The following GRM7 variants were observed in gnomAD, a reference collection of about 807,000 sequenced individuals.
GRM7 encodes the protein glutamate metabotropic receptor 7, also known as metabotropic glutamate receptor 7.
GRM7 carries 35 observed loss-of-function variants against 84.5 expected under a neutral mutation model. The ratio of observed to expected loss-of-function variants is 0.41; its 90% confidence interval spans 0.32 to 0.55. The LOEUF is 0.55. Among genes scored for constraint, GRM7 ranks in the 20% least tolerant of loss-of-function variants. The pLI is 0.19. For missense variants in GRM7, 1,003 were observed against 1,194.6 expected (o/e 0.84, Z 2.36); for synonymous variants, 487 against 455.1 (o/e 1.07, Z -0.89).
At chr3:7,721,289 C>A (rs1017383474) in intron 9 of GRM7, among the ~76,000 whole-genome samples, 4 of 152,184 alleles carry the variant, frequency 2.6e-5, no homozygotes, top group African/African-American at 9.7e-5. Context: ...ATAAGGTAGA[C>A]CCCTCTTTGA....
intron 1 of GRM7, among the ~76,000 whole-genome samples, chr3:7,138,927 C>G (rs1450250692): frequency 6.6e-6 from 1 of 150,938 alleles, no homozygotes; most frequent in African/African-American, 2.4e-5. Flanking sequence ...TAAAGGCATA[C>G]AATGACAAGT....
intron 5 of GRM7, among the ~76,000 whole-genome samples, chr3:7,451,357 G>A (rs531905450): frequency 6.6e-6 from 1 of 152,308 alleles, no homozygotes; most frequent in East Asian, 1.9e-4. Context: ...AGTGCTATAA[G>A]CAAGATTTGA....
intron 2 of GRM7, among the ~76,000 whole-genome samples, chr3:7,146,986 A>G (rs566749073): frequency 2.4e-4 from 37 of 152,290 alleles, no homozygotes; most frequent in African/African-American, 8.4e-4. Flanking sequence ...ATGTGGCTGG[A>G]TGTACCTCCC....
chr3:7,127,866 G>A (rs921006506), intron 1 of GRM7, among the ~76,000 whole-genome samples: 4 of 152,024 alleles, frequency 2.6e-5, no homozygotes, highest in Admixed American at 1.3e-4. Flanking sequence ...TCTGTGAGAT[G>A]TGAAGTCAAA....
chr3:7,126,353 T>A (rs1574936964), intron 1 of GRM7, among the ~76,000 whole-genome samples: 1 of 152,194 alleles, frequency 6.6e-6, no homozygotes, highest in East Asian at 1.9e-4. Context: ...AGAGGTCAAA[T>A]GTGTGGCACT....
At chr3:7,446,895 T>TA (rs1697539458) in intron 5 of GRM7, among the ~76,000 whole-genome samples, 1 of 152,172 alleles carries the variant, frequency 6.6e-6, no homozygotes, top group Non-Finnish European at 1.5e-5. Flanking sequence ...ATGGGCAAAT[T>TA]AAACAGGTCT....
intron 1 of GRM7, among the ~76,000 whole-genome samples, chr3:7,032,274 G>A (rs1696218226): frequency 6.6e-6 from 1 of 152,208 alleles, no homozygotes; most frequent in Non-Finnish European, 1.5e-5. Context: ...GTGGGAAAAT[G>A]TGGCTTTCAG....
At position 7,127,520 on chromosome 3, in the gene GRM7, G is replaced by T. The variant is rs149405415; in HGVS notation, c.520-18932G>T. Among the ~76,000 whole-genome samples, 749 of 152,218 alleles carry T rather than the reference G, an allele frequency of 4.9e-3. 12 individuals carry two copies. Among genetic ancestry groups the T allele is most frequent in the African/African-American group, 0.017 (698 of 41,540 alleles). ...TCAAAGCAGCTGCTTTCTACTCCCT[G>T]TTAGTATTCTTTAGCAAAGCTTCTA... On this transcript the variant is annotated intron_variant, in intron 1 of 9. Transcript: ENST00000357716.
At chr3:7,030,061 T>C (rs906387404) in intron 1 of GRM7, among the ~76,000 whole-genome samples, 3 of 152,072 alleles carry the variant, frequency 2.0e-5, no homozygotes, top group African/African-American at 7.2e-5. Flanking sequence ...AACAGGTAAA[T>C]GAATAAACAT....
At chr3:7,519,131 A>G (rs1225365930) in intron 7 of GRM7, among the ~76,000 whole-genome samples, 1 of 152,174 alleles carries the variant, frequency 6.6e-6, no homozygotes. Flanking sequence ...TTTTCACTAT[A>G]TATTTACTGC....
chr3:7,323,356 C>T (rs1356257924), intron 4 of GRM7, among the ~76,000 whole-genome samples: 2 of 152,164 alleles, frequency 1.3e-5, no homozygotes, highest in African/African-American at 2.4e-5. Context: ...AGCAGCCCCT[C>T]TCCACCCCAT....
intron 2 of GRM7, among the ~76,000 whole-genome samples, chr3:7,291,489 GCTCTCTCTCTCTCTCTCTCTCT>G (rs71063301): frequency 0.026 from 2,834 of 109,650 alleles, 114 homozygotes; most frequent in African/African-American, 0.057. Flanking sequence ...AGTCATGCCA[GCTCTCTCTCTCTCTCTCTCTCT>G]CTCTCTCTCT....
intron 2 of GRM7, among the ~76,000 whole-genome samples, chr3:7,169,414 T>TA (rs879420890): frequency 6.6e-5 from 10 of 152,208 alleles, no homozygotes; most frequent in Admixed American, 2.6e-4. Flanking sequence ...GGTGACACTC[T>TA]AATCTTCAAT....
intron 2 of GRM7, among the ~76,000 whole-genome samples, chr3:7,283,400 GTTATTA>G (rs61500951): frequency 1.3e-5 from 2 of 150,312 alleles, no homozygotes; most frequent in African/African-American, 2.5e-5. Context: ...TGAGGTTGCT[GTTATTA>G]TTATTATTAT....
intron 7 of GRM7, among the ~76,000 whole-genome samples, chr3:7,511,235 G>C (rs1700188682): frequency 6.6e-6 from 1 of 152,150 alleles, no homozygotes; most frequent in Non-Finnish European, 1.5e-5. Context: ...TTGTGGGGAA[G>C]GAACCTTGAT....
chr3:7,048,820 T>C (rs1229937622), intron 1 of GRM7, among the ~76,000 whole-genome samples: 1 of 151,962 alleles, frequency 6.6e-6, no homozygotes, highest in East Asian at 1.9e-4. Flanking sequence ...TCTCTTGAAC[T>C]TATTCTTCCT....
intron 5 of GRM7, among the ~76,000 whole-genome samples, chr3:7,448,997 A>G (rs1174751679): frequency 6.6e-6 from 1 of 152,018 alleles, no homozygotes; most frequent in East Asian, 1.9e-4. Context: ...ATAAAGTAGC[A>G]GGTTATAAAA....
At chr3:6,872,479 T>C (rs1276310236) in intron 1 of GRM7, among the ~76,000 whole-genome samples, 1 of 152,068 alleles carries the variant, frequency 6.6e-6, no homozygotes, top group Admixed American at 6.6e-5. Context: ...TTTTTTTAAT[T>C]TTACTTTAAG....
At chr3:7,581,298 G>T (rs1365786680) in intron 8 of GRM7, among the ~76,000 whole-genome samples, 1 of 152,140 alleles carries the variant, frequency 6.6e-6, no homozygotes, top group Non-Finnish European at 1.5e-5. Context: ...GGTAGAATTG[G>T]AGTGTGGGGA....
Sources: allele counts gnomAD v4.1 joint callset (sites outside exome capture counted in the v4.1 genomes callset), GRCh38; gene constraint gnomAD v4.1.1; transcripts MANE v1.5; gene names NCBI Gene and HGNC (gene_info 2026-07-23, HGNC 2026-07-21).